The following MINK1 variants were observed in gnomAD, a reference collection of about 807,000 sequenced individuals.
MINK1 encodes the protein misshapen like kinase 1.
Under a neutral mutation model 178.4 loss-of-function variants are expected in MINK1, and 46 were observed. The ratio of observed to expected loss-of-function variants is 0.26; its 90% CI spans 0.20 to 0.33. The LOEUF (loss-of-function observed/expected upper bound fraction) is 0.33, where lower values mean the gene tolerates loss of function less well. MINK1 is among the 10% of genes least tolerant of loss of function. The pLI is 1.00. For missense variants in MINK1, 1,366 were observed against 1,814.9 expected (o/e 0.75, Z 4.49); for synonymous variants, 797 against 709.7 (o/e 1.12, Z -1.96).
chr17:4,890,472 A>AT lies in MINK1; in HGVS notation c.1348-45_1348-44insT, dbSNP rs1286857167. 7 of 1,547,146 alleles carry AT rather than the reference A, an allele frequency of 4.5e-6. No individual in the cohort carries two copies. In the Admixed American group the frequency reaches 1.4e-4, roughly 30 times the overall value. ...AGAGGGCATGCCTGCTCTAACTCCCAGGGCCACACCCTGCTGAGCCCTCTC... is the reference window on the plus strand; with the variant it reads ...AGAGGGCATGCCTGCTCTAACTCCCATGGGCCACACCCTGCTGAGCCCTCTC... On this transcript the variant is annotated intron_variant, in intron 13 of 31. Coordinates refer to ENST00000355280, the MANE Select transcript of MINK1 (RefSeq NM_153827.5).
Position 4,838,629 on chromosome 17 carries a change from G to A in MINK1, c.57+4989G>A, listed in dbSNP as rs146445229. Among the ~76,000 whole-genome samples the A allele has an allele frequency of 2.4e-3, 358 of 151,594 alleles. 2 individuals carry two copies. Among genetic ancestry groups the A allele is most frequent in the Non-Finnish European group, 4.1e-3 (278 of 67,832 alleles). On this transcript the variant is annotated intron_variant, in intron 1 of 31. Coordinates refer to ENST00000355280, the MANE Select transcript of MINK1 (RefSeq NM_153827.5). ...TTGATAAGCTTGTATTCTGGTGTAG[G>A]TCTGTAGATAAGGCATGCAGTAACC...
intron 1 of MINK1, 41 bp from the exon 2 acceptor site, chr17:4,878,276 C>G (rs1162807685): frequency 7.9e-6 from 12 of 1,520,374 alleles, no homozygotes; most frequent in Non-Finnish European, 9.7e-6. Context: ...TAATCCTTTT[C>G]TAAAGTCTTG....
chr17:4,858,360 G>A (rs1168062651), intron 1 of MINK1, among the ~76,000 whole-genome samples: 2 of 152,154 alleles, frequency 1.3e-5, no homozygotes, highest in African/African-American at 4.8e-5. Flanking sequence ...GATAAACAGA[G>A]GCTCCAAGAC....
intron 1 of MINK1, chr17:4,834,850 G>A (rs770650355): frequency 1.9e-6 from 1 of 519,998 alleles, no homozygotes; most frequent in African/African-American, 1.9e-5. Flanking sequence ...ATGGCCAGTA[G>A]TGGGAAAAGG....
chr17:4,893,968 C>T lies in MINK1; in HGVS notation c.2565-20C>T. ...GGCCACGGGCAGGACCTGGAGGGGC[C>T]CCACCTTCCTCTCTCACAGCAGCGA... On this transcript the variant is annotated intron_variant, in intron 21 of 31. Coordinates refer to ENST00000355280, the MANE Select transcript of MINK1 (RefSeq NM_153827.5). 6.5e-7 allele frequency: 1 copy of T among 1,543,734 alleles called. No homozygotes were observed. The highest frequency in any genetic ancestry group is 8.7e-7 in the Non-Finnish European group (1 of 1,146,520).
In MINK1 at chr17:4,881,025, C is replaced by T. The variant is rs371383778; in HGVS notation, c.165C>T (p.Val55=). 1 of 1,530,836 alleles carries T rather than the reference C, an allele frequency of 6.5e-7. No homozygotes were observed. Among genetic ancestry groups the T allele is most frequent in the Non-Finnish European group, 8.7e-7 (1 of 1,143,508 alleles). The allele number at this position is 1,530,836 out of a possible 1,614,324, so 94.8% of individuals were successfully genotyped here. Residue 55 remains valine, a synonymous_variant, in exon 3 of 32, where the codon GTC becomes GTT. Coordinates refer to ENST00000355280, the MANE Select transcript of MINK1 (RefSeq NM_153827.5). ...VKTGQLAAIK[V]MDVTEDEEEE... ...CGGGGCAGCTGGCTGCCATCAAGGT[C>T]ATGGATGTCACGGAGGTAGGGAGTG... is the stretch of plus-strand genomic sequence containing the variant.
intron 15 of MINK1, 76 bp downstream of exon 15, chr17:4,891,200 G>GCACACACA (rs3081308): frequency 0.012 from 11,866 of 997,256 alleles, 33 homozygotes; most frequent in East Asian, 0.063. Context: ...ACACACGCGC[G>GCACACACA]CACACACACA....
intron 1 of MINK1, among the ~76,000 whole-genome samples, chr17:4,873,657 C>T (rs1966912492): frequency 8.4e-6 from 1 of 119,054 alleles, no homozygotes; most frequent in Admixed American, 1.1e-4. Context: ...CTCACTCTTT[C>T]ACCCAGGCTG....
At chr17:4,856,460 C>G (rs942436419) in intron 1 of MINK1, among the ~76,000 whole-genome samples, 6 of 152,006 alleles carry the variant, frequency 3.9e-5, no homozygotes, top group Non-Finnish European at 5.9e-5. Flanking sequence ...TTCCCTCCCC[C>G]GACATCTGAG....
At chr17:4,884,814 C>A in intron 5 of MINK1, 98 bp from the exon 6 acceptor site, 1 of 1,064,234 alleles carries the variant, frequency 9.4e-7, no homozygotes. Flanking sequence ...CCAGCCCTGT[C>A]CAGACTGACT....
chr17:4,878,689 T>G (rs1042568042), intron 2 of MINK1, among the ~76,000 whole-genome samples: 3 of 152,176 alleles, frequency 2.0e-5, no homozygotes, highest in Non-Finnish European at 4.4e-5. Flanking sequence ...AGAACTCTCC[T>G]GGGATTCAGA....
intron 1 of MINK1, chr17:4,875,125 GTTC>G (rs1294489151): frequency 9.6e-6 from 5 of 520,098 alleles, no homozygotes; most frequent in Non-Finnish European, 1.5e-5. Flanking sequence ...GAATGGATGA[GTTC>G]TTCTGTTGGG....
rs1238194870 is a variant in MINK1 at position 4,893,060 on chromosome 17, G to A, written c.2393G>A (p.Arg798Gln). 9 of 1,561,532 alleles carry A rather than the reference G, an allele frequency of 5.8e-6. No individual in the cohort carries two copies. The highest frequency in any genetic ancestry group is 6.1e-6 in the Non-Finnish European group (7 of 1,155,146). Residue 798 changes from arginine (R) to glutamine (Q), a missense_variant, in exon 20 of 32, where the codon CGG (arginine) becomes CAG (glutamine). Transcript: ENST00000355280. ...KPDDHRSRPG[R>Q]PADFVLLKER... Reference sequence around the variant, plus strand: ...GACGACCACCGCTCACGGCCAGGCCGGCCCGCAGTGAGTCACCTGGTGGCA... The same window carrying A: ...GACGACCACCGCTCACGGCCAGGCCAGCCCGCAGTGAGTCACCTGGTGGCA...
intron 2 of MINK1, among the ~76,000 whole-genome samples, chr17:4,879,495 T>TTGCCATGGGAATAGTGG (rs1430509469): frequency 5.3e-4 from 81 of 152,350 alleles, no homozygotes; most frequent in African/African-American, 1.8e-3. Flanking sequence ...TGCCTTGTTG[T>TTGCCATGGGAATAGTGG]TGCCATGGGA....
intron 1 of MINK1, among the ~76,000 whole-genome samples, chr17:4,861,993 G>A (rs946391361): frequency 2.0e-5 from 3 of 152,110 alleles, no homozygotes; most frequent in Non-Finnish European, 4.4e-5. Context: ...TTTTCATTCG[G>A]GCACCCATCT....
intron 1 of MINK1, chr17:4,847,193 T>A (rs966433058): frequency 2.3e-5 from 11 of 483,418 alleles, no homozygotes; most frequent in Non-Finnish European, 4.6e-5. Context: ...GAACATGGCA[T>A]GAGGAGCCGG....
chr17:4,875,020 T>C (rs567417838), intron 1 of MINK1: 57 of 519,640 alleles, frequency 1.1e-4, no homozygotes, highest in African/African-American at 1.0e-3. Flanking sequence ...CAGAAAATTA[T>C]GACCCTAGAT....
At chr17:4,853,620 T>G (rs12601825) in intron 1 of MINK1, among the ~76,000 whole-genome samples, 93,068 of 151,834 alleles carry the variant, frequency 0.61, 30,479 homozygotes, top group Non-Finnish European at 0.75. Context: ...CAAGCTTCCC[T>G]GCAGGTTTAA....
chr17:4,862,448 A>G (rs1914306598), intron 1 of MINK1, among the ~76,000 whole-genome samples: 1 of 152,118 alleles, frequency 6.6e-6, no homozygotes, highest in South Asian at 2.1e-4. Flanking sequence ...TGAGGTCAGG[A>G]GTTCAAGACC....
Sources: gnomAD v4.1 joint callset for allele counts (sites outside exome capture counted in the v4.1 genomes callset) on GRCh38, gnomAD v4.1.1 for gene constraint, MANE v1.5 for transcripts, NCBI Gene and HGNC (gene_info 2026-07-23, HGNC 2026-07-21) for gene names.